PCSK6: variants seen among roughly 807,000 people sequenced by gnomAD.
PCSK6 encodes the protein proprotein convertase subtilisin/kexin type 6.
In PCSK6, 85 loss-of-function variants were observed where a neutral mutation model predicts 123.3. The ratio of observed to expected loss-of-function variants is 0.69; its 90% CI spans 0.58 to 0.83. PCSK6 has a LOEUF of 0.83. PCSK6 is among the 40% of genes least tolerant of loss of function. PCSK6 has a pLI of 0.00. For missense variants in PCSK6, 1,191 were observed against 1,282.3 expected, an observed-to-expected ratio of 0.93 and a Z score of 1.09; for synonymous variants, 508 against 516.0, an observed-to-expected ratio of 0.98 and a Z score of 0.21.
chr15:101,461,812 C>A (rs1048552461), intron 1 of PCSK6, among the ~76,000 whole-genome samples: 1 of 152,154 alleles, frequency 6.6e-6, no homozygotes, highest in Non-Finnish European at 1.5e-5. Flanking sequence ...AAGAAGGAAG[C>A]TTTCTTAACC....
intron 4 of PCSK6, among the ~76,000 whole-genome samples, chr15:101,430,940 T>C (rs978678061): frequency 1.3e-5 from 2 of 152,204 alleles, no homozygotes; most frequent in Non-Finnish European, 2.9e-5. Context: ...GAGCTAATCA[T>C]TTGCAGACCC....
chr15:101,457,768 T>C (rs2057227004), intron 1 of PCSK6, among the ~76,000 whole-genome samples: 1 of 152,190 alleles, frequency 6.6e-6, no homozygotes. Context: ...TGGCCACCCC[T>C]CTGGGTGTGC....
chr15:101,401,413 C>A (rs772705186), intron 6 of PCSK6, among the ~76,000 whole-genome samples: 1 of 152,236 alleles, frequency 6.6e-6, no homozygotes, highest in Non-Finnish European at 1.5e-5. Context: ...GGCTGCAGGA[C>A]GGCCCAGGGT....
At chr15:101,460,293 G>A in intron 1 of PCSK6, among the ~76,000 whole-genome samples, 1 of 151,972 alleles carries the variant, frequency 6.6e-6, no homozygotes, top group Non-Finnish European at 1.5e-5. Flanking sequence ...GCCTTTTCCT[G>A]CCCTCTGGCC....
intron 8 of PCSK6, 122 bp downstream of exon 8, chr15:101,393,090 C>T: frequency 1.2e-6 from 1 of 847,266 alleles, no homozygotes. Context: ...GAGGCTGGGA[C>T]CCTGGGATCC....
At chr15:101,407,574 G>A (rs1053102302) in intron 6 of PCSK6, among the ~76,000 whole-genome samples, 1 of 152,162 alleles carries the variant, frequency 6.6e-6, no homozygotes, top group African/African-American at 2.4e-5. Context: ...AACCACCCAA[G>A]GCCAGGTGTC....
At position 101,489,025 on chromosome 15, in the gene PCSK6, C is replaced by T. The variant is rs1351753529; in HGVS notation, c.297+349G>A. Among the ~76,000 whole-genome samples, 8 of 150,130 alleles carry T rather than the reference C, an allele frequency of 5.3e-5. No individual in the cohort carries two copies. In the East Asian group the frequency reaches 1.6e-3, roughly 30 times the overall value. On this transcript the variant is annotated intron_variant, in intron 1 of 21. Transcript: ENST00000611716. Reference sequence around the variant, plus strand: ...CGCGACGCCTGAGGCAGCCCAGACTCCCCCGGAGCCCGGCAGGTGTCCGCG... The same window carrying T: ...CGCGACGCCTGAGGCAGCCCAGACTTCCCCGGAGCCCGGCAGGTGTCCGCG...
At chr15:101,477,560 A>G (rs2057764238) in intron 1 of PCSK6, among the ~76,000 whole-genome samples, 1 of 152,220 alleles carries the variant, frequency 6.6e-6, no homozygotes, top group Non-Finnish European at 1.5e-5. Context: ...AAGTGTCAAC[A>G]GTGATTATTT....
At chr15:101,467,944 G>T (rs1567243758) in intron 1 of PCSK6, among the ~76,000 whole-genome samples, 1 of 152,222 alleles carries the variant, frequency 6.6e-6, no homozygotes, top group East Asian at 1.9e-4. Flanking sequence ...ACTGGTAATA[G>T]CCTAGTCACT....
In PCSK6 at chr15:101,313,428, C is replaced by T. The variant is rs1157878203; in HGVS notation, c.2647G>A (p.Glu883Lys). The T allele has an allele frequency of 6.2e-7, 1 of 1,612,506 alleles. No homozygotes were observed. The highest frequency in any genetic ancestry group is 8.5e-7 in the Non-Finnish European group (1 of 1,179,854). ...GGCATCTCTTCTGGGTAGAAGCCCT[C>T]ACCACAGGCTGGCACACACTTCCAG... ...HDWKCVPACGEGFYPEEMPGL... is the reference protein window; with the variant it reads ...HDWKCVPACGKGFYPEEMPGL... Residue 883 changes from glutamate (E) to lysine (K), a missense_variant, in exon 20 of 22, where the codon GAG (glutamate) becomes AAG (lysine). Physicochemically the swap from Glu to Lys is moderately conservative, Grantham distance 56. This residue lies in a region of PCSK6 where 630 missense variants were observed against 631.4 expected (regional missense o/e 1.00). Transcript: ENST00000611716.
At chr15:101,323,608 C>A (rs1035525796) in intron 17 of PCSK6, among the ~76,000 whole-genome samples, 7 of 152,072 alleles carry the variant, frequency 4.6e-5, no homozygotes, top group African/African-American at 1.7e-4. Flanking sequence ...TGGCGCATGC[C>A]TGTAAGCCCA....
At chr15:101,376,217 C>T (rs1017915556) in intron 11 of PCSK6, among the ~76,000 whole-genome samples, 10 of 152,112 alleles carry the variant, frequency 6.6e-5, no homozygotes, top group African/African-American at 2.2e-4. Flanking sequence ...CTCAGCCTCC[C>T]GAGTAGCTAG....
chr15:101,326,581 G>A, intron 15 of PCSK6, 102 bp from the exon 16 acceptor site: 1 of 1,178,670 alleles, frequency 8.5e-7, no homozygotes, highest in East Asian at 2.6e-5. Flanking sequence ...GGCAGGGTTG[G>A]GAGACGCTCC....
chr15:101,316,967 AG>A (rs2040007855), intron 19 of PCSK6, among the ~76,000 whole-genome samples: 1 of 135,130 alleles, frequency 7.4e-6, no homozygotes, highest in South Asian at 2.4e-4. Flanking sequence ...TGAAGTATGT[AG>A]GGGTGTGATC....
chr15:101,475,600 C>T (rs1049118055), intron 1 of PCSK6, among the ~76,000 whole-genome samples: 1 of 152,004 alleles, frequency 6.6e-6, no homozygotes, highest in Non-Finnish European at 1.5e-5. Context: ...ATTCTCCCAC[C>T]TCATCCTCCC....
intron 12 of PCSK6, among the ~76,000 whole-genome samples, chr15:101,369,028 A>G (rs1194765300): frequency 6.6e-6 from 1 of 152,028 alleles, no homozygotes; most frequent in Non-Finnish European, 1.5e-5. Context: ...TGCCCCTGTG[A>G]CACTCGTGCT....
intron 8 of PCSK6, among the ~76,000 whole-genome samples, chr15:101,390,129 C>T (rs2042182496): frequency 1.8e-5 from 1 of 56,684 alleles, no homozygotes; most frequent in South Asian, 6.7e-4. Flanking sequence ...ATCAACCTGG[C>T]ATGTTCTTGA....
At chr15:101,382,518 C>T (rs1373804671) in intron 10 of PCSK6, among the ~76,000 whole-genome samples, 1 of 152,148 alleles carries the variant, frequency 6.6e-6, no homozygotes, top group Admixed American at 6.5e-5. Context: ...AAGACAGGTT[C>T]CTTTACATTA....
At chr15:101,402,794 G>A (rs78240971) in intron 6 of PCSK6, among the ~76,000 whole-genome samples, 1 of 151,942 alleles carries the variant, frequency 6.6e-6, no homozygotes, top group Non-Finnish European at 1.5e-5. Context: ...AGGATGTGGA[G>A]AAATAGGAAC....
Sources: allele counts gnomAD v4.1 joint callset (sites outside exome capture counted in the v4.1 genomes callset), GRCh38; gene constraint gnomAD v4.1.1; regional missense constraint gnomAD v4.1.1; transcripts MANE v1.5; gene names NCBI Gene and HGNC (gene_info 2026-07-23, HGNC 2026-07-21).